The following YARS1 variants were observed in gnomAD, a reference collection of about 807,000 sequenced individuals.
YARS1 encodes tyrosine--tRNA ligase, cytoplasmic.
YARS1 carries 36 observed loss-of-function variants against 62.2 expected under a neutral mutation model. The observed-to-expected ratio is 0.58, with a 90% CI of 0.44 to 0.76. The LOEUF is 0.76. YARS1 is among the 30% of genes least tolerant of loss of function. YARS1 has a pLI of 0.00. For missense variants in YARS1, 524 were observed against 639.8 expected (o/e 0.82, Z 1.95); for synonymous variants, 234 against 244.9 (o/e 0.96, Z 0.42).
Position 32,789,463 on chromosome 1 carries a change from G to C in YARS1, c.684+1699C>G, listed in dbSNP as rs538196470. Among the ~76,000 whole-genome samples, 11 of 152,292 alleles carry C rather than the reference G, an allele frequency of 7.2e-5. No individual in the cohort carries two copies. The South Asian group carries it at 2.1e-3, about 29-fold the overall frequency. On this transcript the variant is annotated intron_variant, in intron 6 of 12. Coordinates refer to ENST00000373477, the MANE Select transcript of YARS1 (RefSeq NM_003680.4). ...GCTTTGTTTCTTATTTGGAAAGAGT[G>C]AGTTCATGGTCATTTGAGTTCAGTG... is the stretch of plus-strand genomic sequence containing the variant.
Position 32,787,013 on chromosome 1 carries a change from G to A in YARS1, c.747C>T (p.Phe249=), listed in dbSNP as rs1470471313. ...TGTTCTCCACATTTCCTGGCTCACA[G>A]AAGGCCTTCTTCAGTTTTTTCTTCA... is the stretch of plus-strand genomic sequence containing the variant. ...EDVKKKLKKA[F]CEPGNVENNG... Residue 249 remains phenylalanine, a synonymous_variant, in exon 7 of 13, where the codon TTC becomes TTT. Coordinates refer to ENST00000373477, the MANE Select transcript of YARS1 (RefSeq NM_003680.4). The A allele has an allele frequency of 6.2e-7, 1 of 1,614,202 alleles. No homozygotes were observed.
At chr1:32,811,311 AC>A (rs1442951278) in intron 1 of YARS1, 9 of 534,418 alleles carry the variant, frequency 1.7e-5, no homozygotes, top group East Asian at 3.5e-5. Flanking sequence ...CCTCTTACCC[AC>A]CCCCCTTCCT....
At chr1:32,797,166 G>C (rs974537441) in intron 5 of YARS1, among the ~76,000 whole-genome samples, 1 of 149,644 alleles carries the variant, frequency 6.7e-6, no homozygotes, top group Non-Finnish European at 1.5e-5. Context: ...GAGCCCAGGG[G>C]TTTGAGACCT....
chr1:32,780,186 G>A lies in YARS1; in HGVS notation c.1233C>T (p.Pro411=). The change falls in exon 11 of 13, where the codon CCC becomes CCT. Residue 411 remains proline (P), a synonymous_variant. Coordinates refer to ENST00000373477, the MANE Select transcript of YARS1 (RefSeq NM_003680.4). ...CCAGCCTGTCCTGCAGTTCCTCCTT[G>A]GGCACGAACTGTACCAGGCCGCTCA... ...TVVSGLVQFV[P]KEELQDRLVV... is the part of the protein sequence containing the mutation. 1 of 1,614,118 alleles carries A rather than the reference G, an allele frequency of 6.2e-7. No individual in the cohort carries two copies. Among genetic ancestry groups the A allele is most frequent in the Non-Finnish European group, 8.5e-7 (1 of 1,180,038 alleles).
At chr1:32,796,090 C>T (rs1490727985) in intron 5 of YARS1, among the ~76,000 whole-genome samples, 1 of 151,694 alleles carries the variant, frequency 6.6e-6, no homozygotes, top group East Asian at 2.0e-4. Flanking sequence ...GTCAGGAGTT[C>T]GAGATCAGCC....
In YARS1 at chr1:32,817,332, C is replaced by T. The variant is rs548697180; in HGVS notation, c.-88G>A. On this transcript the variant is annotated 5_prime_UTR_variant, in exon 1 of 13. It adds an upstream start codon to the 5' untranslated region. Transcript: ENST00000373477. ...CGCCGCCGCGTGCCGGGAACTGTCA[C>T]GCGAGTCCAGCCAGGTTGCATCAGC... is the stretch of plus-strand genomic sequence containing the variant. 1.9e-5 allele frequency: 29 copies of T among 1,555,054 alleles called. No individual in the cohort carries two copies. In the African/African-American group the frequency reaches 2.6e-4, roughly 14 times the overall value.
intron 4 of YARS1, among the ~76,000 whole-genome samples, chr1:32,803,779 TTC>T (rs895486632): frequency 1.2e-4 from 19 of 152,052 alleles, no homozygotes; most frequent in African/African-American, 4.6e-4. Flanking sequence ...TCTTGGGTGT[TTC>T]TCGGAGAGGG....
At chr1:32,807,270 G>A (rs906832303) in intron 3 of YARS1, among the ~76,000 whole-genome samples, 1 of 152,060 alleles carries the variant, frequency 6.6e-6, no homozygotes, top group African/African-American at 2.4e-5. Context: ...TCGGTTTGTT[G>A]GCTTTCTGAT....
chr1:32,814,934 G>A (rs1362823417), intron 1 of YARS1, among the ~76,000 whole-genome samples: 1 of 152,172 alleles, frequency 6.6e-6, no homozygotes, highest in Non-Finnish European at 1.5e-5. Flanking sequence ...ACCAGGACTT[G>A]TTAAACTCCT....
chr1:32,796,741 A>G (rs1023008747), intron 5 of YARS1, among the ~76,000 whole-genome samples: 3 of 151,304 alleles, frequency 2.0e-5, no homozygotes, highest in African/African-American at 7.3e-5. Context: ...AGATGGGTGG[A>G]TCACCTGAGG....
At chr1:32,790,289 A>C (rs76066944) in intron 6 of YARS1, among the ~76,000 whole-genome samples, 19,816 of 145,826 alleles carry the variant, frequency 0.14, 1,646 homozygotes, top group South Asian at 0.23. Context: ...TGGGTGGATC[A>C]CGAGGTCAGG....
chr1:32,797,626 TCA>T, intron 5 of YARS1, 135 bp downstream of exon 5: 1 of 779,852 alleles, frequency 1.3e-6, no homozygotes, highest in Non-Finnish European at 2.2e-6. Flanking sequence ...TCTTCTATCC[TCA>T]GTGTTCTCAT....
intron 8 of YARS1, among the ~76,000 whole-genome samples, chr1:32,785,320 G>C (rs1394450790): frequency 6.6e-6 from 1 of 151,994 alleles, no homozygotes; most frequent in Non-Finnish European, 1.5e-5. Context: ...AATTAGCCGG[G>C]TGTGGTGGTG....
At chr1:32,815,706 C>T (rs534124337) in intron 1 of YARS1, among the ~76,000 whole-genome samples, 1 of 152,288 alleles carries the variant, frequency 6.6e-6, no homozygotes, top group East Asian at 1.9e-4. Flanking sequence ...ACAGGAAATG[C>T]CCAGAATACG....
At chr1:32,813,889 T>C (rs1447699460) in intron 1 of YARS1, among the ~76,000 whole-genome samples, 1 of 3,738 alleles carries the variant, frequency 2.7e-4, no homozygotes, top group East Asian at 0.25. Context: ...TCCTTTATTT[T>C]ATTCTTAGTT....
rs1557466648 is a variant in YARS1 at position 32,810,639 on chromosome 1, G to T, written c.332C>A (p.Pro111His). ...TTTGATGAACTTGAGCTTCTCCAAG[G>T]GCACACCAATGCTCTCCAGCATTGC... ...IKAMLESIGV[P>H]LEKLKFIKGT... Residue 111 changes from proline to histidine, a missense_variant, in exon 3 of 13, where the codon CCC becomes CAC. Coordinates refer to ENST00000373477, the MANE Select transcript of YARS1 (RefSeq NM_003680.4). 6.2e-7 allele frequency: 1 copy of T among 1,613,708 alleles called. No individual in the cohort carries two copies. Among genetic ancestry groups the T allele is most frequent in the Non-Finnish European group, 8.5e-7 (1 of 1,180,030 alleles).
At position 32,776,426 on chromosome 1, in the gene YARS1, C is replaced by T. The variant is rs1245401950; in HGVS notation, c.1477-335G>A. On this transcript the variant is annotated intron_variant, in intron 12 of 12. Transcript: ENST00000373477. The surrounding 1 kb of genome is among the most constrained non-coding windows in gnomAD (Gnocchi z 4.0). ...CCTCCCAAAGTGTTGGGATTACAGG[C>T]GTGAGCCACTGCGCCCAGCCTGAAA... 1.3e-5 allele frequency among the ~76,000 whole-genome samples: 2 copies of T among 152,078 alleles called. No individual in the cohort carries two copies. The highest frequency in any genetic ancestry group is 2.4e-5 in the African/African-American group (1 of 41,422).
At position 32,797,769 on chromosome 1, in the gene YARS1, T is replaced by C; in HGVS notation, c.585A>G (p.Ala195=). The C allele has an allele frequency of 1.2e-6, 2 of 1,613,942 alleles. No homozygotes were observed. The highest frequency in any genetic ancestry group is 1.7e-6 in the Non-Finnish European group (2 of 1,179,796). The change falls in exon 5 of 13, where the codon GCA becomes GCG. Residue 195 remains alanine (A), a synonymous_variant. Transcript: ENST00000373477. ...GIDQRKIFTF[A]EKYLPALGYS... is the part of the protein sequence containing the mutation. ...CAGGAAAGCAGACACTCACCTTCTC[T>C]GCAAAGGTGAAAATCTTTCTCTGAT...
chr1:32,780,517 G>A, intron 10 of YARS1: 1 of 565,080 alleles, frequency 1.8e-6, no homozygotes, highest in South Asian at 2.0e-5. Flanking sequence ...TGTGTTAAGA[G>A]GTGGAAGGAT....
Sources: gnomAD v4.1 joint callset for allele counts (sites outside exome capture counted in the v4.1 genomes callset) on GRCh38, gnomAD v4.1.1 for gene constraint, Gnocchi (gnomAD v3.1) non-coding constraint, MANE v1.5 for transcripts, NCBI Gene and HGNC (gene_info 2026-07-23, HGNC 2026-07-21) for gene names.